Variants in COQ9 observed in about 807,000 individuals in gnomAD.
COQ9 encodes coenzyme Q9.
Under a neutral mutation model 42.4 loss-of-function variants are expected in COQ9, and 35 were observed. That is an observed-to-expected ratio of 0.83 (90% confidence interval 0.63 to 1.10). The LOEUF (loss-of-function observed/expected upper bound fraction) is 1.10. COQ9 is among the 50% of genes least tolerant of loss of function. The probability of loss-of-function intolerance (pLI) is 0.00; values close to 1 mark genes in which losing one functional copy is unlikely to be tolerated. For synonymous variants in COQ9, 155 were observed against 155.1 expected, an observed-to-expected ratio of 1.00 and a Z score of 0.00; for missense variants, 406 against 414.6, an observed-to-expected ratio of 0.98 and a Z score of 0.18.
chr16:57,457,993 G>A (rs1203577178), intron 5 of COQ9: 3 of 501,740 alleles, frequency 6.0e-6, no homozygotes, highest in Non-Finnish European at 1.1e-5. Context: ...CTGGCCCTCT[G>A]CATTCCCAGT....
chr16:57,450,944 C>T, intron 1 of COQ9, 96 bp from the exon 2 acceptor site: 1 of 1,364,284 alleles, frequency 7.3e-7, no homozygotes, highest in Non-Finnish European at 1.0e-6. Flanking sequence ...ACAGGAGTCT[C>T]TGGCCTGCTT....
chr16:57,447,838 G>A, intron 1 of COQ9: 1 of 366,610 alleles, frequency 2.7e-6, no homozygotes, highest in Non-Finnish European at 4.9e-6. Context: ...AGGGCTCGGG[G>A]TACGAAAGTC....
chr16:57,458,343 C>A lies in COQ9; in HGVS notation c.704C>A (p.Ser235Tyr). 6.2e-7 allele frequency: 1 copy of A among 1,609,430 alleles called. No homozygotes were observed. Among genetic ancestry groups the A allele is most frequent in the South Asian group, 1.1e-5 (1 of 90,346 alleles). Residue 235 changes from serine to tyrosine, a missense_variant, in exon 6 of 9, where the codon TCC becomes TAC. Ser to Tyr is a moderately radical substitution (Grantham distance 144, BLOSUM62 -2). Transcript: ENST00000262507. ...DDMWHYAGDQSTDFNWYTRRA... is the reference protein window; with the variant it reads ...DDMWHYAGDQYTDFNWYTRRA... ...ATGTGGCATTACGCTGGGGACCAGT[C>A]CACTGATGTGAGTGCTTTCTGCAGG...
chr16:57,451,859 A>G (rs1417225086), intron 2 of COQ9, among the ~76,000 whole-genome samples: 1 of 152,248 alleles, frequency 6.6e-6, no homozygotes, highest in African/African-American at 2.4e-5. Flanking sequence ...AAGAAATAAT[A>G]TGATAAAGTG....
intron 1 of COQ9, 55 bp from the exon 2 acceptor site, chr16:57,450,985 G>A (rs1341103143): frequency 1.1e-5 from 17 of 1,594,008 alleles, no homozygotes; most frequent in Non-Finnish European, 1.4e-5. Flanking sequence ...TACCACTCTG[G>A]GTCTGAAAGG....
At chr16:57,457,970 C>T (rs1432116128) in intron 5 of COQ9, among the ~76,000 whole-genome samples, 1 of 152,224 alleles carries the variant, frequency 6.6e-6, no homozygotes, top group Non-Finnish European at 1.5e-5. Flanking sequence ...TTGCTTAGAC[C>T]AGTCTAGACC....
intron 3 of COQ9, among the ~76,000 whole-genome samples, chr16:57,455,482 C>T (rs1008747021): frequency 4.6e-4 from 69 of 150,218 alleles, no homozygotes; most frequent in Middle Eastern, 6.9e-3. Flanking sequence ...AGAGGGGAGT[C>T]CAGACTCTCA....
chr16:57,447,799 C>G (rs2030164932), intron 1 of COQ9: 1 of 392,788 alleles, frequency 2.5e-6, no homozygotes, highest in Non-Finnish European at 4.5e-6. Flanking sequence ...CTGTCACCCC[C>G]ATTTCATGGA....
Position 57,461,195 on chromosome 16 carries a change from C to T in COQ9, c.*571C>T. On this transcript the variant is annotated 3_prime_UTR_variant, in exon 9 of 9. Transcript: ENST00000262507. Reference sequence around the variant, plus strand: ...AGGTGTGATTCCAGGCCTGGTGTCACATGACACCAGCATGCATTGCAGGAT... The same window carrying T: ...AGGTGTGATTCCAGGCCTGGTGTCATATGACACCAGCATGCATTGCAGGAT... 2.2e-6 allele frequency: 1 copy of T among 455,576 alleles called. No homozygotes were observed. Among genetic ancestry groups the T allele is most frequent in the Middle Eastern group, 3.3e-4 (1 of 3,002 alleles). 28.2% of individuals were successfully genotyped at this position (455,576 alleles called of 1,614,324 possible). A position where few individuals can be genotyped will look rare whatever the true frequency, so the allele number is the denominator to read the frequency against.
In COQ9 at chr16:57,447,547, C is replaced by G. The variant is rs1298914626; in HGVS notation, c.42C>G (p.Gly14=). The G allele has an allele frequency of 2.3e-6, 3 of 1,301,820 alleles. No individual in the cohort carries two copies. The highest frequency in any genetic ancestry group is 2.0e-6 in the Non-Finnish European group (2 of 1,019,618). 80.6% of individuals were successfully genotyped at this position (1,301,820 alleles called of 1,614,324 possible). A position where few individuals can be genotyped will look rare whatever the true frequency, so the allele number is the denominator to read the frequency against. The change falls in exon 1 of 9, where the codon GGC becomes GGG. Residue 14 remains glycine, a synonymous_variant. Transcript: ENST00000262507. Reference sequence around the variant, plus strand: ...TATCTGGTGCGCTTGGCCGGGCGGGCTGGAGGCTCCTGCAGCTGCGATGCC... The same window carrying G: ...TATCTGGTGCGCTTGGCCGGGCGGGGTGGAGGCTCCTGCAGCTGCGATGCC... ...AAVSGALGRA[G]WRLLQLRCLP...
intron 1 of COQ9, among the ~76,000 whole-genome samples, chr16:57,449,183 AAGTT>A (rs1190678909): frequency 1.3e-5 from 2 of 152,168 alleles, no homozygotes; most frequent in African/African-American, 2.4e-5. Flanking sequence ...GCAGTTAACA[AAGTT>A]AGGATTCTGT....
intron 8 of COQ9, 98 bp from the exon 9 acceptor site, chr16:57,460,491 A>G: frequency 4.1e-6 from 3 of 733,310 alleles, no homozygotes; most frequent in Middle Eastern, 7.3e-4. Context: ...TGCAAAAAAG[A>G]AAAAAAAAAA....
intron 3 of COQ9, chr16:57,456,265 T>C: frequency 1.9e-6 from 1 of 533,082 alleles, no homozygotes; most frequent in South Asian, 2.0e-5. Flanking sequence ...GTTGATATGT[T>C]CATCCCTGAG....
At chr16:57,453,243 T>C (rs1187675739) in intron 3 of COQ9, 1 of 455,516 alleles carries the variant, frequency 2.2e-6, no homozygotes, top group East Asian at 4.4e-5. Flanking sequence ...AGCATCATTT[T>C]TAAATGCATC....
chr16:57,460,600 G>T lies in COQ9; in HGVS notation c.933G>T (p.Leu311Phe). The T allele has an allele frequency of 6.2e-7, 1 of 1,614,054 alleles. No homozygotes were observed. The highest frequency in any genetic ancestry group is 1.1e-5 in the South Asian group (1 of 91,072). The change falls in exon 9 of 9, where the codon TTG becomes TTT. Residue 311 changes from leucine (L) to phenylalanine (F), a missense_variant. Coordinates refer to ENST00000262507, the MANE Select transcript of COQ9 (RefSeq NM_020312.4). ...LMGAAVTLKN[L>F]TGLNQRR ...CATTCCCGTGTCAGCTCAAGAACTTGACAGGTCTAAACCAGCGTCGGTGAG... is the reference window on the plus strand; with the variant it reads ...CATTCCCGTGTCAGCTCAAGAACTTTACAGGTCTAAACCAGCGTCGGTGAG...
intron 3 of COQ9, chr16:57,453,139 G>A (rs1347398977): frequency 3.1e-6 from 2 of 648,866 alleles, no homozygotes; most frequent in Non-Finnish European, 5.4e-6. Context: ...TTGGTTCTTG[G>A]GAGTTGTGTT....
intron 4 of COQ9, 36 bp from the exon 5 acceptor site, chr16:57,456,895 A>T: frequency 6.3e-7 from 1 of 1,575,018 alleles, no homozygotes; most frequent in Non-Finnish European, 8.7e-7. Context: ...CCTGCCTTTC[A>T]CTCAGAGACA....
At chr16:57,453,115 A>G in intron 3 of COQ9, 179 bp downstream of exon 3, 2 of 747,266 alleles carry the variant, frequency 2.7e-6, no homozygotes, top group Admixed American at 2.2e-5. Context: ...AGTTATAAAG[A>G]ACATACCATG....
chr16:57,460,454 G>A (rs1325212919), intron 8 of COQ9, 135 bp from the exon 9 acceptor site: 8 of 867,020 alleles, frequency 9.2e-6, no homozygotes, highest in Admixed American at 4.5e-5. Context: ...AGGACAGTCT[G>A]GCCAACATAG....
Sources: allele counts gnomAD v4.1 joint callset (sites outside exome capture counted in the v4.1 genomes callset), GRCh38; gene constraint gnomAD v4.1.1; transcripts MANE v1.5; gene names NCBI Gene and HGNC (gene_info 2026-07-23, HGNC 2026-07-21).